MED23: variants seen among roughly 807,000 people sequenced by gnomAD.
The protein encoded by MED23 is mediator of RNA polymerase II transcription subunit 23.
MED23 carries 105 observed loss-of-function variants against 163.9 expected under a neutral mutation model. The observed-to-expected ratio is 0.64, with a 90% CI of 0.55 to 0.75. The LOEUF (loss-of-function observed/expected upper bound fraction) is 0.75, where lower values mean the gene tolerates loss of function less well. MED23 is among the 30% of genes least tolerant of loss of function. MED23 has a pLI of 0.00. For synonymous variants in MED23, 561 were observed against 565.6 expected (o/e 0.99, Z 0.12); for missense variants, 1,054 against 1,649.0 (o/e 0.64, Z 6.25).
chr6:131,610,200 A>C lies in MED23; in HGVS notation c.923T>G (p.Val308Gly), dbSNP rs769214302. 5.6e-6 allele frequency: 9 copies of C among 1,613,960 alleles called. No homozygotes were observed. The highest frequency in any genetic ancestry group is 7.6e-6 in the Non-Finnish European group (9 of 1,179,922). ...CTCAGATCGCTCCATGGCATAAACA[A>C]CCAGATCCACCAACTGGTCCTCCAG... ...PVLEDQLVDLVVYAMERSETE... is the reference protein window; with the variant it reads ...PVLEDQLVDLGVYAMERSETE... The change falls in exon 11 of 29, where the codon GTT becomes GGT. Residue 308 changes from valine (V) to glycine (G), a missense_variant. Coordinates refer to ENST00000368068, the MANE Select transcript of MED23 (RefSeq NM_004830.4).
At chr6:131,576,735 G>A in intron 30 of MED23, 1 of 1,612,982 alleles carries the variant, frequency 6.2e-7, no homozygotes, top group Non-Finnish European at 8.5e-7. Flanking sequence ...TAAAGAACAA[G>A]GTAATTTTTA....
At chr6:131,625,701 T>A (rs1025427267) in intron 3 of MED23, among the ~76,000 whole-genome samples, 38 of 152,336 alleles carry the variant, frequency 2.5e-4, no homozygotes, top group African/African-American at 8.7e-4. Flanking sequence ...AATTTTTTTT[T>A]AAATTTTGGA....
At chr6:131,604,380 T>C in intron 14 of MED23, 60 bp from the exon 15 acceptor site, 1 of 1,525,974 alleles carries the variant, frequency 6.6e-7, no homozygotes, top group Non-Finnish European at 9.0e-7. Context: ...ACATAGGGGC[T>C]ACTCTACTTA....
chr6:131,579,356 A>T, intron 30 of MED23: 1 of 1,550,722 alleles, frequency 6.4e-7, no homozygotes. Flanking sequence ...GAAGAGAGAA[A>T]ATTTAGAAAT....
exon 31 of MED23, chr6:131,574,274 T>C (rs1352002750): frequency 6.2e-7 from 1 of 1,613,998 alleles, no homozygotes; most frequent in East Asian, 2.2e-5. Flanking sequence ...TTGGAACCCT[T>C]GCTGTGTACT....
intron 8 of MED23, 77 bp downstream of exon 8, chr6:131,619,750 A>C (rs2297638): frequency 0.24 from 268,449 of 1,097,712 alleles, 41,754 homozygotes; most frequent in African/African-American, 0.68. Context: ...TATTAAGAGA[A>C]CATCCCTCAG....
In MED23 at chr6:131,628,041, C is replaced by G. The variant is rs369413359; in HGVS notation, c.9G>C (p.Thr3=). 1 of 1,614,026 alleles carries G rather than the reference C, an allele frequency of 6.2e-7. No homozygotes were observed. The highest frequency in any genetic ancestry group is 8.5e-7 in the Non-Finnish European group (1 of 1,180,038). ...CCTCTTCGAAAATGCTCTGCAGTTG[C>G]GTCTCCATCTGTACTATCACCCCCG... is the stretch of plus-strand genomic sequence containing the variant. The part of the protein sequence containing the change: ME[T]QLQSIFEEVV... The change falls in exon 1 of 29, where the codon ACG becomes ACC. Residue 3 remains threonine (T), a synonymous_variant. Transcript: ENST00000368068.
Position 131,603,053 on chromosome 6 carries a change from T to G in MED23, c.1908A>C (p.Thr636=), listed in dbSNP as rs772251769. Residue 636 remains threonine, a synonymous_variant, in exon 16 of 29, where the codon ACA becomes ACC. Coordinates refer to ENST00000368068, the MANE Select transcript of MED23 (RefSeq NM_004830.4). ...ACCAAAGATGGAGCTGGTTCTGGTT[T>G]GTTTGTGCAACTGCAGCCAAAGTAT... is the stretch of plus-strand genomic sequence containing the variant. ...HLHTLAAVAQ[T]NQNQLHLCVE... The G allele has an allele frequency of 4.3e-6, 7 of 1,613,948 alleles. No individual in the cohort carries two copies. In the Admixed American group the frequency reaches 5.0e-5, roughly 12 times the overall value.
intron 12 of MED23, 25 bp downstream of exon 12, chr6:131,607,903 T>A: frequency 6.2e-7 from 1 of 1,612,186 alleles, no homozygotes; most frequent in East Asian, 2.2e-5. Flanking sequence ...CATGTTGTTA[T>A]GAATAGTTAC....
chr6:131,603,548 G>A (rs1174531945), intron 15 of MED23, among the ~76,000 whole-genome samples: 1 of 151,916 alleles, frequency 6.6e-6, no homozygotes, highest in Non-Finnish European at 1.5e-5. Flanking sequence ...TGAAGTATGA[G>A]GTTCACTTTT....
rs756443631 is a variant in MED23, at chr6:131,628,074, A to T, written c.-25T>A. 6.2e-7 allele frequency: 1 copy of T among 1,613,640 alleles called. No homozygotes were observed. Among genetic ancestry groups the T allele is most frequent in the Non-Finnish European group, 8.5e-7 (1 of 1,179,926 alleles). ...TCTGTACTATCACCCCCGCCTTTCCAGGGTGCCCGGCAAGGCCCGGATCAG... is the reference window on the plus strand; with the variant it reads ...TCTGTACTATCACCCCCGCCTTTCCTGGGTGCCCGGCAAGGCCCGGATCAG... On this transcript the variant is annotated 5_prime_UTR_variant, in exon 1 of 29. Coordinates refer to ENST00000368068, the MANE Select transcript of MED23 (RefSeq NM_004830.4).
At chr6:131,611,543 C>T (rs1309840344) in intron 10 of MED23, among the ~76,000 whole-genome samples, 2 of 152,088 alleles carry the variant, frequency 1.3e-5, no homozygotes, top group East Asian at 1.9e-4. Flanking sequence ...GAGCAAAGTG[C>T]AACAGACAAC....
At chr6:131,588,778 A>C (rs1230862018) in intron 28 of MED23, among the ~76,000 whole-genome samples, 1 of 152,166 alleles carries the variant, frequency 6.6e-6, no homozygotes, top group East Asian at 1.9e-4. Context: ...AAACTCAGTT[A>C]TGATTCAAGG....
At chr6:131,596,239 A>G (rs2608985) in intron 21 of MED23, 76 bp from the exon 22 acceptor site, 228,350 of 1,303,030 alleles carry the variant, frequency 0.18, 22,188 homozygotes, top group East Asian at 0.33. Context: ...ATGTGAAAAC[A>G]TTGTTTAGAT....
chr6:131,590,689 C>A (rs1012749131), intron 26 of MED23, among the ~76,000 whole-genome samples: 1 of 152,088 alleles, frequency 6.6e-6, no homozygotes, highest in African/African-American at 2.4e-5. Flanking sequence ...AGTGCAGTGG[C>A]GTGATCTTGG....
chr6:131,605,640 A>C (rs984762194), intron 13 of MED23, among the ~76,000 whole-genome samples, 155 bp from the exon 14 acceptor site: 6 of 152,200 alleles, frequency 3.9e-5, no homozygotes, highest in African/African-American at 1.4e-4. Context: ...TACAGTGGGA[A>C]TACACATAGA....
intron 20 of MED23, among the ~76,000 whole-genome samples, chr6:131,597,192 G>A (rs780935791): frequency 1.6e-4 from 24 of 151,834 alleles, no homozygotes; most frequent in African/African-American, 3.9e-4. Context: ...AAATCTACCC[G>A]AAGGCCAGGC....
Position 131,628,131 on chromosome 6 carries a change from G to A in MED23, c.-82C>T. 1 of 1,504,978 alleles carries A rather than the reference G, an allele frequency of 6.6e-7. No individual in the cohort carries two copies. The highest frequency in any genetic ancestry group is 9.2e-7 in the Non-Finnish European group (1 of 1,084,718). 93.2% of individuals were successfully genotyped at this position (1,504,978 alleles called of 1,614,324 possible). On this transcript the variant is annotated 5_prime_UTR_variant, in exon 1 of 29. Transcript: ENST00000368068. ...GCTCTGGGAATATAGGGGCAGAGGG[G>A]CGGAGACCTCTGGAGGAAACCGTAG...
chr6:131,604,025 G>A (rs2114663614), intron 15 of MED23, among the ~76,000 whole-genome samples, 153 bp downstream of exon 15: 1 of 152,208 alleles, frequency 6.6e-6, no homozygotes, highest in East Asian at 1.9e-4. Context: ...TGTATCATCT[G>A]ACATATTGTA....
Sources: gnomAD v4.1 joint callset for allele counts (sites outside exome capture counted in the v4.1 genomes callset) on GRCh38, gnomAD v4.1.1 for gene constraint, MANE v1.5 for transcripts, NCBI Gene and HGNC (gene_info 2026-07-23, HGNC 2026-07-21) for gene names.